Variants in TMEM35B observed in about 807,000 individuals in gnomAD.
TMEM35B encodes ZMYM6 neighbor protein.
A neutral mutation model predicts 8.7 loss-of-function variants in TMEM35B; 6 were observed. The ratio of observed to expected loss-of-function variants is 0.69; its 90% CI spans 0.38 to 1.36. The LOEUF (loss-of-function observed/expected upper bound fraction) is 1.36. Among genes scored for constraint, TMEM35B ranks in the 40% most tolerant of loss-of-function variants. The pLI, the probability that TMEM35B is intolerant of heterozygous loss-of-function variation, is 0.02. For missense variants in TMEM35B, 176 were observed against 181.6 expected, an observed-to-expected ratio of 0.97 and a Z score of 0.18; for synonymous variants, 89 against 87.0, an observed-to-expected ratio of 1.02 and a Z score of -0.13.
exon 3 of TMEM35B, chr1:34,981,852 C>A: frequency 7.7e-7 from 1 of 1,301,512 alleles, no homozygotes. Flanking sequence ...ACTGGCTGAC[C>A]CTGGATATTA....
intron 1 of TMEM35B, among the ~76,000 whole-genome samples, chr1:34,984,923 T>C (rs1385754554): frequency 7.0e-6 from 1 of 142,200 alleles, no homozygotes. Flanking sequence ...TCCGGGGGGG[T>C]GGGAGGGACC....
rs777222070 is a variant in TMEM35B at position 34,981,930 on chromosome 1, G to A, written c.*14C>T. The A allele has an allele frequency of 3.3e-6, 5 of 1,519,070 alleles. No individual in the cohort carries two copies. In the South Asian group the frequency reaches 5.1e-5, roughly 15 times the overall value. The allele number at this position is 1,519,070 out of a possible 1,614,324, so 94.1% of individuals were successfully genotyped here. On this transcript the variant is annotated 3_prime_UTR_variant, in exon 3 of 3. Coordinates refer to ENST00000373337, the Ensembl canonical transcript of TMEM35B. ...TGCTGTGACAGCTGCATGGCATAAA[G>A]AGACAGAGATGCTCTACTTCCAGGA...
chr1:34,983,325 T>G (rs1038135731), intron 2 of TMEM35B, among the ~76,000 whole-genome samples: 130 of 152,124 alleles, frequency 8.5e-4, no homozygotes, highest in African/African-American at 3.1e-3. Context: ...AAGCCTGTAA[T>G]CCTAGCACTT....
At chr1:34,985,317 C>T in exon 1 of TMEM35B, 1 of 1,524,406 alleles carries the variant, frequency 6.6e-7, no homozygotes, top group Non-Finnish European at 8.8e-7. Flanking sequence ...GCCGCGCTCC[C>T]CCCACCGTGG....
intron 2 of TMEM35B, among the ~76,000 whole-genome samples, chr1:34,982,935 G>A (rs1640522455): frequency 6.6e-6 from 1 of 152,210 alleles, no homozygotes; most frequent in Non-Finnish European, 1.5e-5. Context: ...CAGATGCCAG[G>A]GCATATAGAA....
At chr1:34,982,723 C>A (rs1473970512) in intron 2 of TMEM35B, among the ~76,000 whole-genome samples, 2 of 152,188 alleles carry the variant, frequency 1.3e-5, no homozygotes, top group Non-Finnish European at 2.9e-5. Context: ...GATCCGCCCG[C>A]CTCGGCCTCC....
At chr1:34,983,791 A>G in exon 2 of TMEM35B, 1 of 1,536,794 alleles carries the variant, frequency 6.5e-7, no homozygotes, top group Non-Finnish European at 8.8e-7. Flanking sequence ...ATCAAGAACA[A>G]GTTACTGATC....
At chr1:34,983,917 A>G in exon 2 of TMEM35B, 1 of 1,532,050 alleles carries the variant, frequency 6.5e-7, no homozygotes, top group Non-Finnish European at 8.8e-7. Context: ...TTCAGCGGGA[A>G]CACCTCAGCA....
chr1:34,983,059 A>C (rs1640523531), intron 2 of TMEM35B, among the ~76,000 whole-genome samples: 1 of 152,064 alleles, frequency 6.6e-6, no homozygotes, highest in Admixed American at 6.5e-5. Context: ...CTTCCTGTTC[A>C]AGGTTCTCCA....
At chr1:34,983,737 C>G in intron 2 of TMEM35B, 30 bp downstream of exon 2, 1 of 1,450,576 alleles carries the variant, frequency 6.9e-7, no homozygotes, top group Non-Finnish European at 9.2e-7. Flanking sequence ...CCAGAAGACC[C>G]CATTTTCTCA....
chr1:34,984,568 T>C (rs556199060), intron 1 of TMEM35B, among the ~76,000 whole-genome samples: 2 of 152,272 alleles, frequency 1.3e-5, no homozygotes, highest in South Asian at 4.1e-4. Context: ...TCTGGCTCTT[T>C]TGAGGGACTG....
chr1:34,985,233 A>T (rs1640556171), exon 1 of TMEM35B: 5 of 1,544,750 alleles, frequency 3.2e-6, no homozygotes, highest in Non-Finnish European at 4.4e-6. Flanking sequence ...ATCTCCTCCG[A>T]GAGCTTGGCC....
chr1:34,983,566 G>A (rs58844660), intron 2 of TMEM35B, among the ~76,000 whole-genome samples: 8,970 of 113,696 alleles, frequency 0.079, 1,155 homozygotes, highest in African/African-American at 0.31. Flanking sequence ...GCGAAAGAGC[G>A]AGACTCCATC....
intron 2 of TMEM35B, among the ~76,000 whole-genome samples, chr1:34,982,960 C>T (rs1392988244): frequency 6.6e-6 from 1 of 152,204 alleles, no homozygotes; most frequent in Non-Finnish European, 1.5e-5. Flanking sequence ...CTGAAGATAT[C>T]TGGCCTTTGA....
At chr1:34,981,530 T>C (rs1002360341), downstream of TMEM35B, 1 of 152,392 alleles carries the variant, frequency 6.6e-6, no homozygotes, top group Non-Finnish European at 1.5e-5. Flanking sequence ...AAAAGAGACA[T>C]GAAACAGTGT....
chr1:34,983,578 CA>C (rs1163962621), intron 2 of TMEM35B, among the ~76,000 whole-genome samples, 188 bp downstream of exon 2: 1,188 of 23,192 alleles, frequency 0.051, 1 homozygote, highest in Middle Eastern at 0.1. Flanking sequence ...GACTCCATCT[CA>C]AAAAAAAAAA....
intron 2 of TMEM35B, among the ~76,000 whole-genome samples, 189 bp downstream of exon 2, chr1:34,983,578 C>CAAAAAAAA (rs1163962621): frequency 0.049 from 1,137 of 23,186 alleles, 247 homozygotes; most frequent in African/African-American, 0.14. Context: ...GACTCCATCT[C>CAAAAAAAA]AAAAAAAAAA....
exon 3 of TMEM35B, chr1:34,981,787 G>C: frequency 3.5e-6 from 2 of 570,386 alleles, no homozygotes; most frequent in Non-Finnish European, 5.6e-6. Flanking sequence ...TCACAAAAGA[G>C]TAGTAAAGCT....
At chr1:34,985,223 A>G in exon 1 of TMEM35B, 2 of 1,540,976 alleles carry the variant, frequency 1.3e-6, no homozygotes, top group Non-Finnish European at 1.7e-6. Flanking sequence ...TGGAGCCGAG[A>G]TCTCCTCCGA....
Sources: allele counts gnomAD v4.1 joint callset (sites outside exome capture counted in the v4.1 genomes callset), GRCh38; gene constraint gnomAD v4.1.1; transcripts MANE v1.5; gene names NCBI Gene and HGNC (gene_info 2026-07-23, HGNC 2026-07-21).